ABI3: variants seen among roughly 807,000 people sequenced by gnomAD.
ABI3 encodes the protein ABI gene family member 3.
A neutral mutation model predicts 37.0 loss-of-function variants in ABI3; 24 were observed. The ratio of observed to expected loss-of-function variants is 0.65; its 90% confidence interval spans 0.47 to 0.91. The LOEUF is 0.91. Among genes scored for constraint, ABI3 ranks in the 40% least tolerant of loss-of-function variants. The pLI is 0.00. For missense variants in ABI3, 481 were observed against 485.1 expected (o/e 0.99, Z 0.08); for synonymous variants, 220 against 211.8 (o/e 1.04, Z -0.34).
At position 49,219,555 on chromosome 17, in the gene ABI3, C is replaced by G; in HGVS notation, c.478C>G (p.Leu160Val). The G allele has an allele frequency of 6.2e-7, 1 of 1,604,674 alleles. No homozygotes were observed. The highest frequency in any genetic ancestry group is 1.3e-5 in the African/African-American group (1 of 74,894). The change falls in exon 4 of 8, where the codon CTG becomes GTG. Residue 160 changes from leucine to valine, a missense_variant. By Grantham distance (32) the Leu-to-Val change is conservative. Transcript: ENST00000225941. The surrounding 1 kb of genome is among the most constrained non-coding windows in gnomAD (Gnocchi z 4.3). ...GHGIKDLSTQLSRTGTLSRKS... is the reference protein window; with the variant it reads ...GHGIKDLSTQVSRTGTLSRKS... ...TCCCTCGCAGGACCTCAGCACGCAG[C>G]TGTCAAGAACAGGCACCCTGTCTCG...
rs2143533709 is a variant in ABI3 at position 49,219,357 on chromosome 17, C to G, written c.463-183C>G. Reference sequence around the variant, plus strand: ...GTAGAACTGAGTCCCAGAACCCAGGCAATGACAAGGGGGTGGGGTGGGGGA... The same window carrying G: ...GTAGAACTGAGTCCCAGAACCCAGGGAATGACAAGGGGGTGGGGTGGGGGA... On this transcript the variant is annotated intron_variant, in intron 3 of 7. Coordinates refer to ENST00000225941, the MANE Select transcript of ABI3 (RefSeq NM_016428.3). This position sits in a 1 kb window ranked among gnomAD's most constrained non-coding sequence, Gnocchi z 4.3. Among the ~76,000 whole-genome samples the G allele has an allele frequency of 6.6e-6, 1 of 151,868 alleles. No homozygotes were observed. The highest frequency in any genetic ancestry group is 1.5e-5 in the Non-Finnish European group (1 of 67,954).
chr17:49,222,797 C>G lies in ABI3; in HGVS notation c.*82C>G. 6.9e-7 allele frequency: 1 copy of G among 1,442,606 alleles called. No homozygotes were observed. The highest frequency in any genetic ancestry group is 1.4e-5 in the African/African-American group (1 of 71,258). 89.4% of individuals were successfully genotyped at this position (1,442,606 alleles called of 1,614,324 possible). On this transcript the variant is annotated 3_prime_UTR_variant, in exon 8 of 8. Transcript: ENST00000225941. ...AAGCCAAAACCAGCTCCAGTCACAG[C>G]TGGACTGGGTCTGCCCACCTCTTGG...
chr17:49,223,071 AAGGCTGCTGCTAATTACAGCCCCC>A lies in ABI3; in HGVS notation c.*358_*381del, dbSNP rs1289850334. Reference sequence around the variant, plus strand: ...AGGGATTGAAAGGCATCCCAGTTCTAAGGCTGCTGCTAATTACAGCCCCCAACCTCCAACCCACCAGCTGACCTA... The same window carrying A: ...AGGGATTGAAAGGCATCCCAGTTCTAAACCTCCAACCCACCAGCTGACCTA... On this transcript the variant is annotated 3_prime_UTR_variant, in exon 8 of 8. Coordinates refer to ENST00000225941, the MANE Select transcript of ABI3 (RefSeq NM_016428.3). 1 of 417,460 alleles carries A rather than the reference AAGGCTGCTGCTAATTACAGCCCCC, an allele frequency of 2.4e-6. No homozygotes were observed. The highest frequency in any genetic ancestry group is 4.2e-6 in the Non-Finnish European group (1 of 236,900). The allele number at this position is 417,460 out of a possible 1,614,324, so 25.9% of individuals were successfully genotyped here.
At chr17:49,216,255 T>C (rs1397716187) in intron 1 of ABI3, among the ~76,000 whole-genome samples, 1 of 152,090 alleles carries the variant, frequency 6.6e-6, no homozygotes, top group Non-Finnish European at 1.5e-5. Context: ...CTGTACTCAG[T>C]CCTCAGCTTA....
chr17:49,214,711 G>A lies in ABI3; in HGVS notation c.118-1820G>A, dbSNP rs80060527. 2.2e-3 allele frequency among the ~76,000 whole-genome samples: 329 copies of A among 152,208 alleles called. 10 individuals are homozygous for A. In the East Asian group the frequency reaches 0.05, roughly 23 times the overall value. On this transcript the variant is annotated intron_variant, in intron 1 of 7. Transcript: ENST00000225941. ...GGCAACAAGAGCAAAACTCTGTCTCGAAAAACAAACAAAAAAAACTTCTTG... is the reference window on the plus strand; with the variant it reads ...GGCAACAAGAGCAAAACTCTGTCTCAAAAAACAAACAAAAAAAACTTCTTG...
intron 1 of ABI3, among the ~76,000 whole-genome samples, 178 bp from the exon 2 acceptor site, chr17:49,216,353 G>T (rs1270680710): frequency 6.6e-6 from 1 of 151,994 alleles, no homozygotes; most frequent in Non-Finnish European, 1.5e-5. Context: ...TTAAAGTGAT[G>T]TTGTAGCAAG....
intron 1 of ABI3, among the ~76,000 whole-genome samples, chr17:49,215,310 C>T (rs1159341523): frequency 6.6e-6 from 1 of 152,110 alleles, no homozygotes; most frequent in Non-Finnish European, 1.5e-5. Context: ...AAGAGAAAGG[C>T]AGGAGCCAGA....
At chr17:49,218,013 C>A (rs112011245) in intron 3 of ABI3, 98 bp downstream of exon 3, 5 of 1,226,648 alleles carry the variant, frequency 4.1e-6, no homozygotes, top group Middle Eastern at 4.1e-4. Context: ...TTTGTCCCCA[C>A]TTGCCACTCC....
intron 1 of ABI3, among the ~76,000 whole-genome samples, chr17:49,213,214 T>C (rs561426318): frequency 3.0e-4 from 46 of 152,176 alleles, no homozygotes; most frequent in Non-Finnish European, 5.9e-4. Flanking sequence ...CTACCATTCA[T>C]TGGAAGGATG....
At chr17:49,211,562 CAT>C (rs751225459) in intron 1 of ABI3, among the ~76,000 whole-genome samples, 4 of 152,200 alleles carry the variant, frequency 2.6e-5, no homozygotes, top group Admixed American at 1.3e-4. Context: ...CCTTGTGAGA[CAT>C]GTATTATAAT....
At position 49,219,690 on chromosome 17, in the gene ABI3, C is replaced by T. The variant is rs977778049; in HGVS notation, c.548+65C>T. On this transcript the variant is annotated intron_variant, in intron 4 of 7. Transcript: ENST00000225941. This position sits in a 1 kb window ranked among gnomAD's most constrained non-coding sequence, Gnocchi z 4.3. ...CCGCGCGACCCTGAAACTCTCCTCC[C>T]CCAGCCTCGCCACCCACCCCTGGCG... 4.6e-5 allele frequency: 68 copies of T among 1,483,488 alleles called. No homozygotes were observed. The highest frequency in any genetic ancestry group is 6.1e-5 in the Non-Finnish European group (67 of 1,089,760). The allele number at this position is 1,483,488 out of a possible 1,614,324, so 91.9% of individuals were successfully genotyped here.
At chr17:49,218,608 A>ATT (rs566080612) in intron 3 of ABI3, among the ~76,000 whole-genome samples, 1 of 146,144 alleles carries the variant, frequency 6.8e-6, no homozygotes, top group Non-Finnish European at 1.5e-5. Context: ...TCCAACTTAT[A>ATT]TTTTTTTTTT....
chr17:49,211,022 T>C (rs1291106449), intron 1 of ABI3, among the ~76,000 whole-genome samples, 181 bp downstream of exon 1: 2 of 152,128 alleles, frequency 1.3e-5, no homozygotes, highest in East Asian at 3.9e-4. Flanking sequence ...GACCCCATAC[T>C]ACCCAAGCCC....
chr17:49,219,768 C>G lies in ABI3; in HGVS notation c.549-90C>G. The G allele has an allele frequency of 1.4e-6, 2 of 1,442,380 alleles. No homozygotes were observed. Among genetic ancestry groups the G allele is most frequent in the East Asian group, 4.9e-5 (2 of 40,410 alleles). 89.3% of individuals were successfully genotyped at this position (1,442,380 alleles called of 1,614,324 possible). A position where few individuals can be genotyped will look rare whatever the true frequency, so the allele number is the denominator to read the frequency against. Reference sequence around the variant, plus strand: ...GATGCCTGGCGCCAAACCTCCCCCTCGGCCACCTGCCCTTCCTGCTCGCAC... The same window carrying G: ...GATGCCTGGCGCCAAACCTCCCCCTGGGCCACCTGCCCTTCCTGCTCGCAC... On this transcript the variant is annotated intron_variant, in intron 4 of 7. Coordinates refer to ENST00000225941, the MANE Select transcript of ABI3 (RefSeq NM_016428.3). This position sits in a 1 kb window ranked among gnomAD's most constrained non-coding sequence, Gnocchi z 4.3.
Position 49,219,537 on chromosome 17 carries a change from C to T in ABI3, c.463-3C>T, listed in dbSNP as rs757361254. The T allele has an allele frequency of 1.0e-5, 16 of 1,600,120 alleles. No individual in the cohort carries two copies. Among genetic ancestry groups the T allele is most frequent in the Admixed American group, 1.7e-5 (1 of 57,748 alleles). ...GTAAGCCCTACCTCCCGCTCCCTCG[C>T]AGGACCTCAGCACGCAGCTGTCAAG... is the stretch of plus-strand genomic sequence containing the variant. On this transcript the variant is annotated splice_polypyrimidine_tract_variant and splice_region_variant and intron_variant, in intron 3 of 7. Coordinates refer to ENST00000225941, the MANE Select transcript of ABI3 (RefSeq NM_016428.3). This position sits in a 1 kb window ranked among gnomAD's most constrained non-coding sequence, Gnocchi z 4.3.
At chr17:49,221,894 T>G (rs1025375328) in intron 6 of ABI3, among the ~76,000 whole-genome samples, 197 bp from the exon 7 acceptor site, 1 of 152,140 alleles carries the variant, frequency 6.6e-6, no homozygotes, top group African/African-American at 2.4e-5. Flanking sequence ...AATTTTTGTA[T>G]TTTTAGTAGA....
chr17:49,218,448 G>A (rs2043244686), intron 3 of ABI3, among the ~76,000 whole-genome samples: 1 of 152,218 alleles, frequency 6.6e-6, no homozygotes, highest in South Asian at 2.1e-4. Context: ...ACTCACACCC[G>A]TCCCACCTTC....
At chr17:49,217,087 C>T (rs905824425) in intron 2 of ABI3, among the ~76,000 whole-genome samples, 1 of 152,138 alleles carries the variant, frequency 6.6e-6, no homozygotes, top group East Asian at 1.9e-4. Context: ...GCACAGCCAC[C>T]ACTATACAGT....
chr17:49,213,909 C>T lies in ABI3; in HGVS notation c.118-2622C>T, dbSNP rs188647064. ...CCTGAACTAAATCAAAATCTGCTCTCCTGTCTGGTGTTAATATCCTGGGTT... is the reference window on the plus strand; with the variant it reads ...CCTGAACTAAATCAAAATCTGCTCTTCTGTCTGGTGTTAATATCCTGGGTT... On this transcript the variant is annotated intron_variant, in intron 1 of 7. Coordinates refer to ENST00000225941, the MANE Select transcript of ABI3 (RefSeq NM_016428.3). Among the ~76,000 whole-genome samples, 453 of 152,318 alleles carry T rather than the reference C, an allele frequency of 3.0e-3. 3 individuals are homozygous for T. The highest frequency in any genetic ancestry group is 0.026 in the Admixed American group (396 of 15,306).
Sources: gnomAD v4.1 joint callset for allele counts (sites outside exome capture counted in the v4.1 genomes callset) on GRCh38, gnomAD v4.1.1 for gene constraint, Gnocchi (gnomAD v3.1) non-coding constraint, MANE v1.5 for transcripts, NCBI Gene and HGNC (gene_info 2026-07-23, HGNC 2026-07-21) for gene names.